CEP131: variants seen among roughly 807,000 people sequenced by gnomAD.
The protein encoded by CEP131 is centrosomal protein of 131 kDa.
In CEP131, 99 loss-of-function variants were observed where a neutral mutation model predicts 136.8. That is an observed-to-expected ratio of 0.72 (90% confidence interval 0.62 to 0.86). The LOEUF (loss-of-function observed/expected upper bound fraction) is 0.86, where lower values mean the gene tolerates loss of function less well. Ranked by LOEUF, CEP131 falls within the 40% of genes least tolerant of loss-of-function variation. The pLI, the probability that CEP131 is intolerant of heterozygous loss-of-function variation, is 0.00. For missense variants in CEP131, 1,459 were observed against 1,463.0 expected (o/e 1.00, Z 0.04); for synonymous variants, 646 against 612.7 (o/e 1.05, Z -0.80).
chr17:81,191,206 C>CCTTCT lies in CEP131; in HGVS notation c.2747_2751dup (p.Ala918ArgfsTer36). The stretch of plus-strand genomic sequence containing the variant: ...GCGGGTCCTTACCGGCTCTCGGCAG[C>CCTTCT]CTTCTCACTCTCCTCCTTGGCCAGC... On this transcript the variant is annotated frameshift_variant, in exon 22 of 26. Coordinates refer to ENST00000450824, the MANE Select transcript of CEP131 (RefSeq NM_014984.4). LOFTEE classifies it high-confidence loss of function. 1 of 1,612,616 alleles carries CCTTCT rather than the reference C, an allele frequency of 6.2e-7. No homozygotes were observed. Among genetic ancestry groups the CCTTCT allele is most frequent in the Non-Finnish European group, 8.5e-7 (1 of 1,179,836 alleles).
rs930853696 is a variant in CEP131, at chr17:81,198,282, C to T, written c.1303G>A (p.Asp435Asn). 2 of 1,601,738 alleles carry T rather than the reference C, an allele frequency of 1.2e-6. No individual in the cohort carries two copies. Among genetic ancestry groups the T allele is most frequent in the Non-Finnish European group, 1.7e-6 (2 of 1,174,048 alleles). ...EDRTQDVLAQ[D>N]AAGDNLEMMA... ...ATCTCCAGGTTGTCCCCAGCTGCAT[C>T]CTGGGCAAGAACGTCCTGCAAAAGA... is the stretch of plus-strand genomic sequence containing the variant. Residue 435 changes from aspartate to asparagine, a missense_variant, in exon 12 of 26, where the codon GAT becomes AAT. Physicochemically the swap from Asp to Asn is conservative, Grantham distance 23. Around this residue, in one of 3 missense-constraint regions of CEP131, gnomAD observed 1,026 missense variants for 964.2 expected, o/e 1.06. Coordinates refer to ENST00000450824, the MANE Select transcript of CEP131 (RefSeq NM_014984.4).
intron 2 of CEP131, among the ~76,000 whole-genome samples, chr17:81,214,186 G>C (rs548059441): frequency 1.3e-5 from 2 of 152,362 alleles, no homozygotes; most frequent in South Asian, 4.1e-4. Flanking sequence ...GAGACTGGGT[G>C]CGGTACAGGG....
At chr17:81,207,317 G>A (rs2062029607) in intron 3 of CEP131, 78 bp from the exon 4 acceptor site, 7 of 1,297,338 alleles carry the variant, frequency 5.4e-6, no homozygotes, top group Non-Finnish European at 7.6e-6. Flanking sequence ...GACCAGGCAG[G>A]TCCCGCGAGG....
intron 5 of CEP131, among the ~76,000 whole-genome samples, chr17:81,205,488 G>GGA (rs1567869141): frequency 1.1e-5 from 1 of 87,354 alleles, no homozygotes; most frequent in African/African-American, 3.8e-5. Flanking sequence ...GAGGGGCAGC[G>GGA]GGAGGGGAGG....
chr17:81,197,992 T>A, intron 12 of CEP131, 104 bp from the exon 13 acceptor site: 1 of 1,510,222 alleles, frequency 6.6e-7, no homozygotes, highest in Non-Finnish European at 8.8e-7. Flanking sequence ...GGAGGGAGGG[T>A]TGTGACTAAA....
At chr17:81,220,843 C>T (rs2062371317) in intron 1 of CEP131, among the ~76,000 whole-genome samples, 2 of 151,396 alleles carry the variant, frequency 1.3e-5, no homozygotes, top group Non-Finnish European at 2.9e-5. Flanking sequence ...TGCGTGTTGG[C>T]CGGGCACAGT....
At chr17:81,191,768 G>A (rs1321921294) in intron 21 of CEP131, among the ~76,000 whole-genome samples, 1 of 152,216 alleles carries the variant, frequency 6.6e-6, no homozygotes, top group African/African-American at 2.4e-5. Context: ...TACGTCGGGA[G>A]CATGCTACTG....
chr17:81,208,033 ACCACACACCCC>A lies in CEP131; in HGVS notation c.273-805_273-795del, dbSNP rs2062050954. Among the ~76,000 whole-genome samples the A allele has an allele frequency of 1.6e-5, 1 of 62,608 alleles. No homozygotes were observed. Among genetic ancestry groups the A allele is most frequent in the Non-Finnish European group, 3.4e-5 (1 of 29,716 alleles). 41.1% of individuals were successfully genotyped at this position (62,608 alleles called of 152,430 possible). A position where few individuals can be genotyped will look rare whatever the true frequency, so the allele number is the denominator to read the frequency against. On this transcript the variant is annotated intron_variant, in intron 3 of 25. Coordinates refer to ENST00000450824, the MANE Select transcript of CEP131 (RefSeq NM_014984.4). The surrounding 1 kb of genome is among the most constrained non-coding windows in gnomAD (Gnocchi z 5.6). ...CACCACTCACACCACACACCCACAC[ACCACACACCCC>A]CCACACACACCACACTCACACCACA...
In CEP131 at chr17:81,200,318, C is replaced by A; in HGVS notation, c.906+11G>T. 6.3e-7 allele frequency: 1 copy of A among 1,598,280 alleles called. No individual in the cohort carries two copies. On this transcript the variant is annotated intron_variant, in intron 8 of 25. Transcript: ENST00000450824. ...GGGGGAGCATGGAGTGACTGAGACG[C>A]CCACACTGACCTCCCGCTTGGCCTG... is the stretch of plus-strand genomic sequence containing the variant.
intron 8 of CEP131, 77 bp downstream of exon 8, chr17:81,200,252 C>T: frequency 8.7e-7 from 1 of 1,149,614 alleles, no homozygotes; most frequent in South Asian, 1.4e-5. Flanking sequence ...TTCCACCTGT[C>T]CCAGAAACTC....
At chr17:81,195,707 G>T in intron 16 of CEP131, 128 bp downstream of exon 16, 1 of 787,970 alleles carries the variant, frequency 1.3e-6, no homozygotes, top group Non-Finnish European at 2.1e-6. Flanking sequence ...CCCACCCACC[G>T]CTGTGGCCCT....
At position 81,203,574 on chromosome 17, in the gene CEP131, G is replaced by A. The variant is rs1300784416; in HGVS notation, c.549C>T (p.Thr183=). ...SNKGAVGNCV[T]TMVHNRYTPS... ...GGGTGTAGCGGTTGTGCACCATGGT[G>A]GTGACGCAGTTGCCCACTGCTCCCT... The change falls in exon 6 of 26, where the codon ACC becomes ACT. Residue 183 remains threonine, a synonymous_variant. Transcript: ENST00000450824. This position sits in a 1 kb window ranked among gnomAD's most constrained non-coding sequence, Gnocchi z 4.6. 46 of 1,605,294 alleles carry A rather than the reference G, an allele frequency of 2.9e-5. No individual in the cohort carries two copies. The highest frequency in any genetic ancestry group is 3.8e-5 in the Non-Finnish European group (45 of 1,176,694).
chr17:81,192,159 C>T (rs1424126029), intron 21 of CEP131, among the ~76,000 whole-genome samples, 159 bp downstream of exon 21: 2 of 152,098 alleles, frequency 1.3e-5, no homozygotes, highest in East Asian at 1.9e-4. Context: ...ACACACTCAG[C>T]GTCAGTTCAG....
chr17:81,212,769 GT>G (rs2062162695), intron 2 of CEP131, among the ~76,000 whole-genome samples: 1 of 151,802 alleles, frequency 6.6e-6, no homozygotes, highest in African/African-American at 2.4e-5. Context: ...ATCAGCAAGC[GT>G]CGGGGGGGCG....
rs74461415 is a variant in CEP131 at position 81,199,937 on chromosome 17, G to A, written c.907-102C>T. On this transcript the variant is annotated intron_variant, in intron 8 of 25. Coordinates refer to ENST00000450824, the MANE Select transcript of CEP131 (RefSeq NM_014984.4). ...AACGCCCTGGAGTCCCCTAGAGTTC[G>A]TGGAATCTCAGGGCCAGCAGGGAAA... The A allele has an allele frequency of 3.8e-3, 4,604 of 1,196,434 alleles. 81 individuals are homozygous for A. Among genetic ancestry groups the A allele is most frequent in the African/African-American group, 0.033 (2,191 of 66,802 alleles). The allele number at this position is 1,196,434 out of a possible 1,614,324, so 74.1% of individuals were successfully genotyped here.
chr17:81,191,813 C>T (rs2061647159), intron 21 of CEP131, among the ~76,000 whole-genome samples: 1 of 152,202 alleles, frequency 6.6e-6, no homozygotes, highest in Non-Finnish European at 1.5e-5. Context: ...GCCTGCCTGG[C>T]TGCTCGGTGA....
chr17:81,194,739 G>A, intron 17 of CEP131, 131 bp downstream of exon 17: 1 of 822,850 alleles, frequency 1.2e-6, no homozygotes. Context: ...GGTGGTTGGG[G>A]CATGAGTGTT....
intron 1 of CEP131, among the ~76,000 whole-genome samples, chr17:81,222,346 C>T (rs2062406524): frequency 6.6e-6 from 1 of 152,206 alleles, no homozygotes; most frequent in Non-Finnish European, 1.5e-5. Context: ...AGAGCCCACG[C>T]GCAGAGCAGA....
Position 81,198,249 on chromosome 17 carries a change from G to T in CEP131, c.1336C>A (p.Pro446Thr). The T allele has an allele frequency of 6.2e-7, 1 of 1,603,976 alleles. No homozygotes were observed. The highest frequency in any genetic ancestry group is 2.3e-5 in the East Asian group (1 of 44,328). The change falls in exon 12 of 26, where the codon CCG (proline) becomes ACG (threonine). Residue 446 changes from proline to threonine, a missense_variant. Pro to Thr is a conservative substitution (Grantham distance 38, BLOSUM62 -1). Around this residue, in one of 3 missense-constraint regions of CEP131, gnomAD observed 1,026 missense variants for 964.2 expected, o/e 1.06. Transcript: ENST00000450824. ...AAGDNLEMMAPSRGSAKSRGP... is the reference protein window; with the variant it reads ...AAGDNLEMMATSRGSAKSRGP... ...CTGGACTTGGCGCTCCCCCTGCTCG[G>T]GGCCATCATCTCCAGGTTGTCCCCA... is the stretch of plus-strand genomic sequence containing the variant.
Sources: allele counts gnomAD v4.1 joint callset (sites outside exome capture counted in the v4.1 genomes callset), GRCh38; gene constraint gnomAD v4.1.1; regional missense constraint gnomAD v4.1.1; non-coding constraint Gnocchi (gnomAD v3.1); transcripts MANE v1.5; gene names NCBI Gene and HGNC (gene_info 2026-07-23, HGNC 2026-07-21).